The following RPSA2 variants were observed in gnomAD, a reference collection of about 807,000 sequenced individuals.
RPSA2 encodes the protein ribosomal protein SA 2, also known as small ribosomal subunit protein uS2B.
At chr19:23,804,632 CAGAG>C in the RPSA2 span, among the ~76,000 whole-genome samples, 1 of 152,092 alleles carries the variant, frequency 6.6e-6, no homozygotes, top group African/African-American at 2.4e-5. Context: ...ATAATGAGCC[CAGAG>C]AGAGCGACAT....
chr19:23,858,386 AC>A, the RPSA2 span, among the ~76,000 whole-genome samples: 3 of 152,120 alleles, frequency 2.0e-5, no homozygotes, highest in Non-Finnish European at 4.4e-5. Context: ...TTACACTTGT[AC>A]CCAACACATT....
At chr19:23,832,253 A>C in the RPSA2 span, 17 of 447,898 alleles carry the variant, frequency 3.8e-5, no homozygotes, top group Admixed American at 4.7e-4. Context: ...GCGTTTACCC[A>C]GTTCTCAACC....
chr19:23,839,733 G>C, the RPSA2 span, among the ~76,000 whole-genome samples: 1 of 152,140 alleles, frequency 6.6e-6, no homozygotes, highest in Non-Finnish European at 1.5e-5. Flanking sequence ...GGATTCCTGT[G>C]GTGCCAGGCA....
chr19:23,798,266 A>G, the RPSA2 span, among the ~76,000 whole-genome samples: 1 of 152,202 alleles, frequency 6.6e-6, no homozygotes, highest in Non-Finnish European at 1.5e-5. Flanking sequence ...GGACTAAAAG[A>G]TATTGGTAAT....
At chr19:23,838,555 G>T in the RPSA2 span, among the ~76,000 whole-genome samples, 1 of 151,732 alleles carries the variant, frequency 6.6e-6, no homozygotes, top group Non-Finnish European at 1.5e-5. Context: ...TTTTTTGTTG[G>T]TGGTAAGTTT....
chr19:23,767,123 G>C, the RPSA2 span, among the ~76,000 whole-genome samples: 18 of 151,374 alleles, frequency 1.2e-4, no homozygotes, highest in African/African-American at 4.4e-4. Context: ...TGTATTTTTA[G>C]TAGAGACGGG....
At chr19:23,857,141 A>G in the RPSA2 span, among the ~76,000 whole-genome samples, 1 of 152,160 alleles carries the variant, frequency 6.6e-6, no homozygotes, top group Non-Finnish European at 1.5e-5. Flanking sequence ...TAGAGTATTA[A>G]TATCAATATT....
the RPSA2 span, chr19:23,832,499 C>T: frequency 3.6e-6 from 2 of 557,180 alleles, no homozygotes; most frequent in Non-Finnish European, 6.1e-6. Context: ...ACCTTTTAGC[C>T]AAAACTCAAA....
chr19:23,865,311 A>G, the RPSA2 span, among the ~76,000 whole-genome samples: 1 of 152,240 alleles, frequency 6.6e-6, no homozygotes, highest in Admixed American at 6.5e-5. Flanking sequence ...ATCTCAAGTT[A>G]ATTCACAGAC....
the RPSA2 span, chr19:23,817,758 A>G: frequency 1.3e-5 from 2 of 152,248 alleles, no homozygotes; most frequent in Non-Finnish European, 2.9e-5. Flanking sequence ...ACAGAAGCAG[A>G]ACAGAGGCAG....
chr19:23,824,133 G>A, the RPSA2 span, among the ~76,000 whole-genome samples: 1 of 152,314 alleles, frequency 6.6e-6, no homozygotes, highest in South Asian at 2.1e-4. Flanking sequence ...GGCTCCTGGT[G>A]CAAGCAAGCA....
At chr19:23,801,034 A>C in the RPSA2 span, among the ~76,000 whole-genome samples, 2 of 152,188 alleles carry the variant, frequency 1.3e-5, no homozygotes, top group Non-Finnish European at 2.9e-5. Context: ...CAGTGTAACA[A>C]GTGTGCATTG....
the RPSA2 span, chr19:23,781,988 C>T: frequency 3.2e-5 from 5 of 154,794 alleles, no homozygotes; most frequent in Admixed American, 6.5e-5. Flanking sequence ...TGGTTTGAGT[C>T]TCCTCTTCTG....
At chr19:23,787,436 A>G in the RPSA2 span, among the ~76,000 whole-genome samples, 2 of 118,882 alleles carry the variant, frequency 1.7e-5, no homozygotes, top group South Asian at 4.8e-4. Flanking sequence ...CCCTGTCTCT[A>G]CTAAAAAAAG....
At chr19:23,763,882 CAT>C in the RPSA2 span, among the ~76,000 whole-genome samples, 2 of 152,118 alleles carry the variant, frequency 1.3e-5, no homozygotes, top group Non-Finnish European at 2.9e-5. Context: ...ACCTGAGAGA[CAT>C]AAAGCAAAGG....
chr19:23,847,349 C>A, the RPSA2 span, among the ~76,000 whole-genome samples: 1 of 152,188 alleles, frequency 6.6e-6, no homozygotes, highest in African/African-American at 2.4e-5. Context: ...AATATTTCAA[C>A]ATAGGTTCTT....
At chr19:23,773,538 T>A in the RPSA2 span, among the ~76,000 whole-genome samples, 1 of 152,148 alleles carries the variant, frequency 6.6e-6, no homozygotes, top group Non-Finnish European at 1.5e-5. Context: ...CGCCTCAGTC[T>A]CCCAAAGTGC....
At chr19:23,843,918 C>G in the RPSA2 span, among the ~76,000 whole-genome samples, 2 of 152,092 alleles carry the variant, frequency 1.3e-5, no homozygotes, top group Non-Finnish European at 2.9e-5. Flanking sequence ...CACCACCACA[C>G]CTGGCTAATT....
At chr19:23,827,492 C>G in the RPSA2 span, 15 of 1,594,524 alleles carry the variant, frequency 9.4e-6, no homozygotes, top group Non-Finnish European at 1.3e-5. Flanking sequence ...CTTCACTAAC[C>G]AGATCCAGGC....
Sources: allele counts gnomAD v4.1 joint callset (sites outside exome capture counted in the v4.1 genomes callset), GRCh38; gene constraint gnomAD v4.1.1; transcripts MANE v1.5; gene names NCBI Gene and HGNC (gene_info 2026-07-23, HGNC 2026-07-21).